TCHP: variants seen among roughly 807,000 people sequenced by gnomAD.
The protein encoded by TCHP is trichoplein keratin filament-binding protein.
A neutral mutation model predicts 88.7 loss-of-function variants in TCHP; 81 were observed. That is an observed-to-expected ratio of 0.91 (90% CI 0.76 to 1.10). The LOEUF (loss-of-function observed/expected upper bound fraction) is 1.10, where lower values mean the gene tolerates loss of function less well. Ranked by LOEUF, TCHP falls within the 50% of genes least tolerant of loss-of-function variation. The probability of loss-of-function intolerance (pLI) is 0.00; values close to 1 mark genes in which losing one functional copy is unlikely to be tolerated. For synonymous variants in TCHP, 232 were observed against 232.5 expected (o/e 1.00, Z 0.02); for missense variants, 641 against 632.1 (o/e 1.01, Z -0.15).
Position 109,905,191 on chromosome 12 carries a change from T to C in TCHP, c.456+398T>C, listed in dbSNP as rs988887456. On this transcript the variant is annotated intron_variant, in intron 4 of 12. Coordinates refer to ENST00000405876, the MANE Select transcript of TCHP (RefSeq NM_001143852.2). The surrounding 1 kb of genome is among the most constrained non-coding windows in gnomAD (Gnocchi z 4.0). ...CAGAGGAGTTCCTGGGGTGGAAGAG[T>C]TTGAAGGGATGTATGTGTGTAGAGG... Among the ~76,000 whole-genome samples, 1 of 150,826 alleles carries C rather than the reference T, an allele frequency of 6.6e-6. No homozygotes were observed. Among genetic ancestry groups the C allele is most frequent in the Non-Finnish European group, 1.5e-5 (1 of 67,690 alleles).
chr12:109,904,822 T>C (rs57860034), intron 4 of TCHP, 29 bp downstream of exon 4: 154,616 of 1,589,536 alleles, frequency 0.097, 13,614 homozygotes, highest in African/African-American at 0.47. Context: ...CATTGATTTA[T>C]CTAAGTAGAT....
intron 10 of TCHP, among the ~76,000 whole-genome samples, chr12:109,913,753 T>C (rs1011399689): frequency 6.6e-6 from 1 of 152,212 alleles, no homozygotes; most frequent in African/African-American, 2.4e-5. Context: ...CTACGTTGTG[T>C]CTGGTAGTAT....
intron 8 of TCHP, among the ~76,000 whole-genome samples, chr12:109,909,149 T>A (rs1329971853): frequency 6.6e-6 from 1 of 152,176 alleles, no homozygotes; most frequent in Admixed American, 6.5e-5. Flanking sequence ...CATATTGTAT[T>A]CTTGAAATTT....
Position 109,916,642 on chromosome 12 carries a change from T to C in TCHP, c.*19T>C. On this transcript the variant is annotated 3_prime_UTR_variant, in exon 13 of 13. Coordinates refer to ENST00000405876, the MANE Select transcript of TCHP (RefSeq NM_001143852.2). ...GAACTGACTTCATGGGTACCATAAG[T>C]ACAGAGAACAAGGGATGCTGAGGCT... 6.2e-7 allele frequency: 1 copy of C among 1,612,688 alleles called. No homozygotes were observed. The highest frequency in any genetic ancestry group is 8.5e-7 in the Non-Finnish European group (1 of 1,179,494).
Position 109,905,960 on chromosome 12 carries a change from C to T in TCHP, c.457-612C>T, listed in dbSNP as rs1307764519. On this transcript the variant is annotated intron_variant, in intron 4 of 12. Transcript: ENST00000405876. This position sits in a 1 kb window ranked among gnomAD's most constrained non-coding sequence, Gnocchi z 4.0. Reference sequence around the variant, plus strand: ...AAGTGATCCTCCCACCTCAGCCTCCCGAGTAGCTGAGACTACAGGTGGGCG... The same window carrying T: ...AAGTGATCCTCCCACCTCAGCCTCCTGAGTAGCTGAGACTACAGGTGGGCG... 3.3e-5 allele frequency among the ~76,000 whole-genome samples: 5 copies of T among 152,210 alleles called. No homozygotes were observed. The highest frequency in any genetic ancestry group is 7.2e-5 in the African/African-American group (3 of 41,438).
At position 109,914,433 on chromosome 12, in the gene TCHP, T is replaced by A; in HGVS notation, c.1135-9T>A. 1 of 1,604,924 alleles carries A rather than the reference T, an allele frequency of 6.2e-7. No individual in the cohort carries two copies. The highest frequency in any genetic ancestry group is 1.3e-5 in the African/African-American group (1 of 74,652). The stretch of plus-strand genomic sequence containing the variant: ...CTCAAAGCTGCCCTTTTCTTTCTGC[T>A]GAGGTTAGGTTCTGACAGGGAGACA... On this transcript the variant is annotated splice_polypyrimidine_tract_variant and intron_variant, in intron 10 of 12. Coordinates refer to ENST00000405876, the MANE Select transcript of TCHP (RefSeq NM_001143852.2).
At chr12:109,883,419 G>A in the TCHP span, among the ~76,000 whole-genome samples, 2 of 152,068 alleles carry the variant, frequency 1.3e-5, no homozygotes, top group African/African-American at 2.4e-5. Context: ...AGTGAGAGGG[G>A]CTGGGGAAGA....
chr12:109,909,508 A>T (rs1440687497), intron 8 of TCHP, among the ~76,000 whole-genome samples: 1 of 152,226 alleles, frequency 6.6e-6, no homozygotes, highest in Non-Finnish European at 1.5e-5. Context: ...TCTTCAATTA[A>T]CACTAAATCT....
chr12:109,911,113 C>T lies in TCHP; in HGVS notation c.930C>T (p.Ser310=). The change falls in exon 9 of 13, where the codon AGC becomes AGT. Residue 310 remains serine, a synonymous_variant. Transcript: ENST00000405876. Reference sequence around the variant, plus strand: ...CCCTCCTCGAGAAGGAGGACGAGAGCCAGCGCCTCCACCTGGCCAGGCGGG... The same window carrying T: ...CCCTCCTCGAGAAGGAGGACGAGAGTCAGCGCCTCCACCTGGCCAGGCGGG... ...LQALLEKEDE[S]QRLHLARREQ... 1 of 1,596,170 alleles carries T rather than the reference C, an allele frequency of 6.3e-7. No individual in the cohort carries two copies. The highest frequency in any genetic ancestry group is 8.5e-7 in the Non-Finnish European group (1 of 1,172,704).
At chr12:109,901,381 A>G (rs1178866658) in intron 1 of TCHP, among the ~76,000 whole-genome samples, 2 of 125,082 alleles carry the variant, frequency 1.6e-5, no homozygotes, top group Admixed American at 1.5e-4. Flanking sequence ...TTGTTTCCAC[A>G]TGAATTAGCT....
At chr12:109,900,592 A>G (rs1869728150) in intron 1 of TCHP, 166 bp downstream of exon 1, 1 of 152,338 alleles carries the variant, frequency 6.6e-6, no homozygotes, top group African/African-American at 2.4e-5. Flanking sequence ...TTGCACGTGC[A>G]TGTTCAGGTC....
At chr12:109,914,320 C>T in intron 10 of TCHP, 122 bp from the exon 11 acceptor site, 1 of 825,082 alleles carries the variant, frequency 1.2e-6, no homozygotes, top group Non-Finnish European at 1.9e-6. Flanking sequence ...CTCTGCGTAC[C>T]TGGGCCTGAG....
At position 109,903,034 on chromosome 12, in the gene TCHP, T is replaced by C. The variant is rs755624144; in HGVS notation, c.8T>C (p.Leu3Pro). 6.3e-7 allele frequency: 1 copy of C among 1,597,088 alleles called. No homozygotes were observed. The highest frequency in any genetic ancestry group is 8.5e-7 in the Non-Finnish European group (1 of 1,171,154). Residue 3 changes from leucine to proline, a missense_variant, in exon 2 of 13, where the codon CTC becomes CCC. Coordinates refer to ENST00000405876, the MANE Select transcript of TCHP (RefSeq NM_001143852.2). This position sits in a 1 kb window ranked among gnomAD's most constrained non-coding sequence, Gnocchi z 4.6. MALPTLPSYWCSQ... is the reference protein window; with the variant it reads MAPPTLPSYWCSQ... ...TCCCATTCCTGTTCTCAGATGGCGC[T>C]CCCGACGCTGCCGTCCTACTGGTGC...
chr12:109,911,366 C>G, intron 9 of TCHP, 131 bp downstream of exon 9: 1 of 527,006 alleles, frequency 1.9e-6, no homozygotes, highest in Non-Finnish European at 3.3e-6. Flanking sequence ...AATCCTAGCA[C>G]TTTGAGAGGC....
At chr12:109,895,420 A>G (rs568202233), upstream of TCHP, among the ~76,000 whole-genome samples, 1 of 151,846 alleles carries the variant, frequency 6.6e-6, no homozygotes, top group South Asian at 2.1e-4. Context: ...GGGTCTCTCT[A>G]TATTGCCAGG....
intron 12 of TCHP, among the ~76,000 whole-genome samples, chr12:109,916,154 G>C (rs1169805610): frequency 6.6e-6 from 1 of 152,198 alleles, no homozygotes; most frequent in Non-Finnish European, 1.5e-5. Flanking sequence ...GGCCACCCTG[G>C]CCACCCGGTG....
At chr12:109,885,102 G>A in the TCHP span, among the ~76,000 whole-genome samples, 2 of 152,186 alleles carry the variant, frequency 1.3e-5, no homozygotes, top group African/African-American at 4.8e-5. Context: ...CCGGGTAGCT[G>A]GGATTACAGG....
chr12:109,885,034 T>C, the TCHP span, among the ~76,000 whole-genome samples: 2 of 152,342 alleles, frequency 1.3e-5, no homozygotes, highest in East Asian at 3.9e-4. Context: ...AGTGCTACGA[T>C]CTTGGCTCAC....
At chr12:109,884,097 T>A in the TCHP span, among the ~76,000 whole-genome samples, 1 of 152,144 alleles carries the variant, frequency 6.6e-6, no homozygotes, top group Non-Finnish European at 1.5e-5. Context: ...AAGGCTGAAG[T>A]GGGAGGACCC....
Sources: allele counts gnomAD v4.1 joint callset (sites outside exome capture counted in the v4.1 genomes callset), GRCh38; gene constraint gnomAD v4.1.1; non-coding constraint Gnocchi (gnomAD v3.1); transcripts MANE v1.5; gene names NCBI Gene and HGNC (gene_info 2026-07-23, HGNC 2026-07-21).